The following TCF12 variants were observed in gnomAD, a reference collection of about 807,000 sequenced individuals.
TCF12 encodes DNA-binding protein HTF4.
Under a neutral mutation model 86.0 loss-of-function variants are expected in TCF12, and 45 were observed. The observed-to-expected ratio is 0.52, with a 90% CI of 0.41 to 0.67. The LOEUF (loss-of-function observed/expected upper bound fraction) is 0.67. Ranked by LOEUF, TCF12 falls within the 30% of genes least tolerant of loss-of-function variation. The probability of loss-of-function intolerance (pLI) is 0.00; values close to 1 mark genes in which losing one functional copy is unlikely to be tolerated. For synonymous variants in TCF12, 330 were observed against 299.6 expected (o/e 1.10, Z -1.05); for missense variants, 881 against 859.9 (o/e 1.02, Z -0.31).
At chr15:57,095,242 G>A (rs117393555) in intron 5 of TCF12, among the ~76,000 whole-genome samples, 211 of 152,216 alleles carry the variant, frequency 1.4e-3, no homozygotes, top group Non-Finnish European at 2.3e-3. Context: ...TGAATCCCAT[G>A]GTCATTCAAG....
chr15:57,261,761 T>G lies in TCF12; in HGVS notation c.1468-333T>G, dbSNP rs1024800943. Among the ~76,000 whole-genome samples, 5 of 14,264 alleles carry G rather than the reference T, an allele frequency of 3.5e-4. No individual in the cohort carries two copies. In the African/African-American group the frequency reaches 4.1e-3, roughly 12 times the overall value. The allele number at this position is 14,264 out of a possible 152,430, so 9.4% of individuals were successfully genotyped here. A position where few individuals can be genotyped will look rare whatever the true frequency, so the allele number is the denominator to read the frequency against. On this transcript the variant is annotated intron_variant, in intron 16 of 20. Transcript: ENST00000333725. ...TATTATATGAAATAGATTTTCAGATTGATTTATAATACGTAGTGCGTTGTG... is the reference window on the plus strand; with the variant it reads ...TATTATATGAAATAGATTTTCAGATGGATTTATAATACGTAGTGCGTTGTG...
intron 3 of TCF12, chr15:57,001,335 A>G (rs1567231112): frequency 1.1e-5 from 2 of 180,058 alleles, no homozygotes; most frequent in Admixed American, 1.3e-4. Context: ...CACAAATTGT[A>G]TTATTTTTTG....
At chr15:56,928,901 C>G (rs1033267517) in intron 3 of TCF12, among the ~76,000 whole-genome samples, 2 of 152,084 alleles carry the variant, frequency 1.3e-5, no homozygotes, top group Non-Finnish European at 2.9e-5. Flanking sequence ...TTAAGAGTCT[C>G]TAGGGTAGAA....
chr15:57,205,693 C>T (rs938822022), intron 8 of TCF12, among the ~76,000 whole-genome samples: 3 of 152,128 alleles, frequency 2.0e-5, no homozygotes, highest in African/African-American at 4.8e-5. Flanking sequence ...TCAGTTTAGT[C>T]GTTAAGTGAA....
At chr15:57,188,221 A>C (rs1461190544) in intron 6 of TCF12, among the ~76,000 whole-genome samples, 1 of 151,498 alleles carries the variant, frequency 6.6e-6, no homozygotes, top group Admixed American at 6.6e-5. Context: ...AATTTCTTTA[A>C]TTTTTTTTTC....
chr15:57,113,539 T>TTTTTTC (rs1208343857), intron 5 of TCF12, among the ~76,000 whole-genome samples: 7 of 152,166 alleles, frequency 4.6e-5, no homozygotes, highest in Admixed American at 3.9e-4. Context: ...TTTGCTTCTT[T>TTTTTTC]TTTTTCTTTT....
chr15:57,254,857 C>CAAAAAAAAAAAAAAAAAAA (rs777934020), intron 16 of TCF12, among the ~76,000 whole-genome samples: 1 of 102,598 alleles, frequency 9.7e-6, no homozygotes, highest in African/African-American at 4.6e-5. Context: ...GACCCTGTCT[C>CAAAAAAAAAAAAAAAAAAA]AAAAAAAAAA....
rs1221324899 is a variant in TCF12, at chr15:57,091,797, A to G, written c.231A>G (p.Thr77=). ...SPSYDSSRGF[T]DSPHYSDHLN... The stretch of plus-strand genomic sequence containing the variant: ...TCTTTTTCTCCCCCTAGGGTTTTAC[A>G]GACAGCCCTCATTACAGTGATCACT... Residue 77 remains threonine, a synonymous_variant, in exon 5 of 21, where the codon ACA becomes ACG. Transcript: ENST00000333725. 2 of 1,613,400 alleles carry G rather than the reference A, an allele frequency of 1.2e-6. No individual in the cohort carries two copies. Among genetic ancestry groups the G allele is most frequent in the East Asian group, 2.2e-5 (1 of 44,866 alleles).
chr15:57,075,500 C>A (rs2069810326), intron 4 of TCF12, among the ~76,000 whole-genome samples: 1 of 152,028 alleles, frequency 6.6e-6, no homozygotes, highest in Admixed American at 6.5e-5. Context: ...TAAAGGGAGT[C>A]CTCATTCTTA....
intron 5 of TCF12, among the ~76,000 whole-genome samples, chr15:57,138,576 T>C (rs2052728474): frequency 6.6e-6 from 1 of 152,092 alleles, no homozygotes; most frequent in Non-Finnish European, 1.5e-5. Flanking sequence ...CTTAGAGGGG[T>C]AATTCATATA....
chr15:57,072,854 C>A, intron 4 of TCF12: 2 of 409,284 alleles, frequency 4.9e-6, no homozygotes, highest in South Asian at 3.1e-5. Context: ...TTAAATAAAG[C>A]CAGAAGAGTA....
At chr15:57,063,636 G>A (rs1596349201) in intron 3 of TCF12, 114 bp from the exon 4 acceptor site, 1 of 672,730 alleles carries the variant, frequency 1.5e-6, no homozygotes, top group Non-Finnish European at 2.5e-6. Flanking sequence ...TTGATACTTA[G>A]CTCTTCCACG....
chr15:57,256,665 G>A (rs1240822529), intron 16 of TCF12, among the ~76,000 whole-genome samples: 4 of 150,712 alleles, frequency 2.7e-5, no homozygotes, highest in African/African-American at 9.8e-5. Context: ...TAATAATGGA[G>A]GCTATATGGC....
chr15:57,271,850 T>A (rs969572799), intron 18 of TCF12, among the ~76,000 whole-genome samples: 1 of 152,254 alleles, frequency 6.6e-6, no homozygotes, highest in African/African-American at 2.4e-5. Flanking sequence ...TTATTATGTA[T>A]GTTAAAATGT....
chr15:56,924,715 A>C (rs2059929697), intron 3 of TCF12, among the ~76,000 whole-genome samples: 1 of 152,232 alleles, frequency 6.6e-6, no homozygotes, highest in Non-Finnish European at 1.5e-5. Context: ...CAGAGTCAGC[A>C]GGTGTGTGGG....
At chr15:57,060,795 C>A (rs971042553) in intron 3 of TCF12, among the ~76,000 whole-genome samples, 4 of 152,058 alleles carry the variant, frequency 2.6e-5, no homozygotes, top group Admixed American at 2.6e-4. Flanking sequence ...TAAGTTTTAT[C>A]TTCTGTGTGT....
intron 8 of TCF12, among the ~76,000 whole-genome samples, chr15:57,228,920 G>T (rs575081338): frequency 6.6e-6 from 1 of 151,966 alleles, no homozygotes; most frequent in Non-Finnish European, 1.5e-5. Context: ...CTGACTTACT[G>T]TTTCAGTCTA....
chr15:57,131,436 C>T (rs1375761856), intron 5 of TCF12, among the ~76,000 whole-genome samples: 4 of 152,070 alleles, frequency 2.6e-5, no homozygotes, highest in Admixed American at 1.3e-4. Flanking sequence ...TAACATTGTA[C>T]CATTTTTCAA....
intron 3 of TCF12, among the ~76,000 whole-genome samples, chr15:57,044,408 T>A (rs1363632150): frequency 6.6e-6 from 1 of 151,566 alleles, no homozygotes; most frequent in African/African-American, 2.4e-5. Context: ...AAAAAAAAAA[T>A]TTACCTGTGG....
Sources: allele counts gnomAD v4.1 joint callset (sites outside exome capture counted in the v4.1 genomes callset), GRCh38; gene constraint gnomAD v4.1.1; transcripts MANE v1.5; gene names NCBI Gene and HGNC (gene_info 2026-07-23, HGNC 2026-07-21).